PAPPA2: variants seen among roughly 807,000 people sequenced by gnomAD.
The protein encoded by PAPPA2 is pappalysin 2.
PAPPA2 carries 86 observed loss-of-function variants against 176.4 expected under a neutral mutation model. That is an observed-to-expected ratio of 0.49 (90% CI 0.41 to 0.58). The LOEUF is 0.58. Among genes scored for constraint, PAPPA2 ranks in the 20% least tolerant of loss-of-function variants. PAPPA2 has a pLI of 0.00. For synonymous variants in PAPPA2, 809 were observed against 852.2 expected (o/e 0.95, Z 0.88); for missense variants, 2,073 against 2,256.9 (o/e 0.92, Z 1.65).
intron 14 of PAPPA2, among the ~76,000 whole-genome samples, chr1:176,753,996 G>A (rs1486091463): frequency 2.0e-5 from 3 of 150,246 alleles, no homozygotes; most frequent in South Asian, 2.1e-4. Flanking sequence ...GGCACAGTGA[G>A]CTATTTGAGC....
chr1:176,711,960 A>C lies in PAPPA2; in HGVS notation c.3777A>C (p.Lys1259Asn), dbSNP rs775159487. ...RSEQPEGSLK[K>N]EDEVWLKVCF... ...AACAGCCAGAAGGTAGCCTGAAGAA[A>C]GAGGATGAGGTTTGGCTCAAAGTAA... The change falls in exon 12 of 23, where the codon AAA becomes AAC. Residue 1259 changes from lysine to asparagine, a missense_variant. Around this residue, in one of 4 missense-constraint regions of PAPPA2, gnomAD observed 846 missense variants for 857.9 expected, o/e 0.99. Transcript: ENST00000367662. The C allele has an allele frequency of 1.2e-6, 2 of 1,613,268 alleles. No homozygotes were observed. Among genetic ancestry groups the C allele is most frequent in the Non-Finnish European group, 1.7e-6 (2 of 1,179,306 alleles).
At chr1:176,505,951 T>G (rs894827722) in intron 1 of PAPPA2, among the ~76,000 whole-genome samples, 4 of 152,076 alleles carry the variant, frequency 2.6e-5, no homozygotes, top group African/African-American at 9.7e-5. Context: ...GGCTGGAAGA[T>G]ACTCAGATTT....
chr1:176,530,218 C>A (rs1011083387), intron 1 of PAPPA2, among the ~76,000 whole-genome samples: 5 of 152,200 alleles, frequency 3.3e-5, no homozygotes, highest in Non-Finnish European at 5.9e-5. Context: ...GCCAAACCTA[C>A]AAGTCACAAT....
At chr1:176,818,974 G>A (rs931083271) in intron 21 of PAPPA2, among the ~76,000 whole-genome samples, 3 of 152,166 alleles carry the variant, frequency 2.0e-5, no homozygotes, top group Non-Finnish European at 2.9e-5. Flanking sequence ...CTAATTTGCT[G>A]TAGAGTTATT....
In PAPPA2 at chr1:176,739,741, G is replaced by A. The variant is rs771937888; in HGVS notation, c.3914G>A (p.Arg1305His). The A allele has an allele frequency of 3.6e-5, 58 of 1,613,512 alleles. No homozygotes were observed. Among genetic ancestry groups the A allele is most frequent in the Middle Eastern group, 1.6e-4 (1 of 6,072 alleles). The change falls in exon 13 of 23, where the codon CGT (arginine) becomes CAT (histidine). Residue 1305 changes from arginine to histidine, a missense_variant. Physicochemically the swap from Arg to His is conservative, Grantham distance 29. Around this residue, in one of 4 missense-constraint regions of PAPPA2, gnomAD observed 846 missense variants for 857.9 expected, o/e 0.99. Transcript: ENST00000367662. Reference sequence around the variant, plus strand: ...GTGACTCTCTACCTGACCGATGTCCGTGGAAGCAACCACTCTCTTGGTGAG... The same window carrying A: ...GTGACTCTCTACCTGACCGATGTCCATGGAAGCAACCACTCTCTTGGTGAG... ...PTVTLYLTDV[R>H]GSNHSLGTYG...
intron 21 of PAPPA2, among the ~76,000 whole-genome samples, chr1:176,809,338 T>C (rs1022378867): frequency 3.3e-5 from 5 of 152,218 alleles, no homozygotes; most frequent in Non-Finnish European, 5.9e-5. Context: ...TTTAACTTCA[T>C]TGGAGTGGCT....
intron 15 of PAPPA2, among the ~76,000 whole-genome samples, chr1:176,769,201 TCTC>T (rs1192443852): frequency 6.6e-6 from 1 of 152,134 alleles, no homozygotes; most frequent in African/African-American, 2.4e-5. Context: ...GCCTCCCTCT[TCTC>T]CTCTCCCTCT....
chr1:176,514,292 A>G (rs909989485), intron 1 of PAPPA2, among the ~76,000 whole-genome samples: 1 of 152,082 alleles, frequency 6.6e-6, no homozygotes, highest in African/African-American at 2.4e-5. Context: ...CCTTTAAACA[A>G]CAGCTCCTTT....
chr1:176,835,765 G>A (rs1056339053), intron 21 of PAPPA2, among the ~76,000 whole-genome samples: 6 of 152,088 alleles, frequency 3.9e-5, no homozygotes, highest in African/African-American at 4.8e-5. Flanking sequence ...TGATCCACCC[G>A]CCTCGGCCTC....
chr1:176,734,790 T>C lies in PAPPA2; in HGVS notation c.3799-4836T>C, dbSNP rs1662322475. Among the ~76,000 whole-genome samples, 3 of 152,274 alleles carry C rather than the reference T, an allele frequency of 2.0e-5. 1 individual carries two copies. In the South Asian group the frequency reaches 6.2e-4, roughly 32 times the overall value. On this transcript the variant is annotated intron_variant, in intron 12 of 22. Transcript: ENST00000367662. ...TTCACCTATAAAAAAGTAATGTGGT[T>C]CAATCAATAGTGCAAGCATTCTTAA...
intron 3 of PAPPA2, among the ~76,000 whole-genome samples, chr1:176,628,899 T>C (rs1161360206): frequency 2.0e-5 from 3 of 152,258 alleles, no homozygotes; most frequent in African/African-American, 4.8e-5. Flanking sequence ...GACAGTTCTT[T>C]CATGTTAAGA....
chr1:176,808,407 A>G (rs1666001063), intron 21 of PAPPA2, among the ~76,000 whole-genome samples: 1 of 152,200 alleles, frequency 6.6e-6, no homozygotes, highest in Non-Finnish European at 1.5e-5. Context: ...GGAGAAAAGG[A>G]ATCATCTTCC....
At chr1:176,807,400 G>C (rs928073917) in intron 21 of PAPPA2, among the ~76,000 whole-genome samples, 2 of 151,870 alleles carry the variant, frequency 1.3e-5, no homozygotes, top group Non-Finnish European at 2.9e-5. Flanking sequence ...ATGAGGAGCT[G>C]TCAGAAAAGC....
intron 2 of PAPPA2, among the ~76,000 whole-genome samples, chr1:176,573,312 G>T (rs1405207797): frequency 1.3e-5 from 2 of 152,178 alleles, no homozygotes; most frequent in Non-Finnish European, 2.9e-5. Flanking sequence ...AGATCATCTT[G>T]ATAGAAAGAG....
intron 1 of PAPPA2, among the ~76,000 whole-genome samples, chr1:176,470,448 C>T (rs1383949239): frequency 1.3e-5 from 2 of 152,128 alleles, no homozygotes; most frequent in Non-Finnish European, 2.9e-5. Flanking sequence ...CATTTTTCAC[C>T]TAGCCTTTCT....
At chr1:176,494,396 A>C (rs981492576) in intron 1 of PAPPA2, among the ~76,000 whole-genome samples, 1 of 152,214 alleles carries the variant, frequency 6.6e-6, no homozygotes, top group African/African-American at 2.4e-5. Context: ...CAAGTTAAGC[A>C]TGAGAAATTT....
rs761481238 is a variant in PAPPA2, at chr1:176,840,186, A to G, written c.5216A>G (p.Asp1739Gly). 11 of 1,613,236 alleles carry G rather than the reference A, an allele frequency of 6.8e-6. No individual in the cohort carries two copies. The highest frequency in any genetic ancestry group is 7.6e-6 in the Non-Finnish European group (9 of 1,179,472). ...CIQSCEPFQA[D>G]GWCDTINNRA... ...ACCTCCCTACAGCCCTTCCAAGCAG[A>G]TGGTTGGTGTGACACTATCAACAAC... Residue 1739 changes from aspartate to glycine, a missense_variant, in exon 22 of 23, where the codon GAT becomes GGT. Physicochemically the swap from Asp to Gly is moderately conservative, Grantham distance 94. Coordinates refer to ENST00000367662, the MANE Select transcript of PAPPA2 (RefSeq NM_020318.3).
chr1:176,805,324 T>C (rs1481518571), intron 21 of PAPPA2, among the ~76,000 whole-genome samples: 1 of 152,208 alleles, frequency 6.6e-6, no homozygotes, highest in East Asian at 1.9e-4. Context: ...CTGCTTTCTC[T>C]GTGAGCATGT....
intron 21 of PAPPA2, among the ~76,000 whole-genome samples, chr1:176,809,951 A>AGTGT (rs55858181): frequency 0.031 from 4,119 of 133,730 alleles, 90 homozygotes; most frequent in Middle Eastern, 0.041. Flanking sequence ...GACAAGATGC[A>AGTGT]GTGTGTGTGT....
Sources: allele counts gnomAD v4.1 joint callset (sites outside exome capture counted in the v4.1 genomes callset), GRCh38; gene constraint gnomAD v4.1.1; regional missense constraint gnomAD v4.1.1; transcripts MANE v1.5; gene names NCBI Gene and HGNC (gene_info 2026-07-23, HGNC 2026-07-21).